The following ARB2A variants were observed in gnomAD, a reference collection of about 807,000 sequenced individuals.
ARB2A encodes cotranscriptional regulator ARB2A.
the ARB2A span, among the ~76,000 whole-genome samples, chr5:94,072,027 A>G: frequency 6.6e-6 from 1 of 152,304 alleles, no homozygotes; most frequent in Non-Finnish European, 1.5e-5. Flanking sequence ...AATATTACTC[A>G]TCGGTAATAA....
the ARB2A span, among the ~76,000 whole-genome samples, chr5:93,911,568 T>C: frequency 6.6e-6 from 1 of 151,460 alleles, no homozygotes; most frequent in Non-Finnish European, 1.5e-5. Context: ...AGCAAGTAGA[T>C]GAGACAAAAT....
At chr5:93,656,926 T>C in the ARB2A span, among the ~76,000 whole-genome samples, 1 of 152,168 alleles carries the variant, frequency 6.6e-6, no homozygotes, top group Non-Finnish European at 1.5e-5. Context: ...GTCTTTTTCA[T>C]TTTTCCATGC....
the ARB2A span, chr5:93,805,912 C>T: frequency 2.0e-6 from 2 of 984,940 alleles, no homozygotes; most frequent in African/African-American, 1.7e-5. Flanking sequence ...CTTGTTTGAT[C>T]ATGAGTTGCT....
the ARB2A span, among the ~76,000 whole-genome samples, chr5:93,629,105 A>G: frequency 2.6e-4 from 39 of 152,292 alleles, no homozygotes; most frequent in African/African-American, 9.1e-4. Context: ...CTTAGAGGCC[A>G]TTGTAGGGTT....
At chr5:93,774,372 T>C in the ARB2A span, among the ~76,000 whole-genome samples, 1 of 152,212 alleles carries the variant, frequency 6.6e-6, no homozygotes, top group Non-Finnish European at 1.5e-5. Flanking sequence ...GACATGCGTG[T>C]CAAAAGCCAA....
At chr5:93,852,069 AAC>A in the ARB2A span, among the ~76,000 whole-genome samples, 1 of 152,222 alleles carries the variant, frequency 6.6e-6, no homozygotes. Context: ...CAGTCCCAAC[AAC>A]AGTGTAAAAG....
chr5:94,012,157 C>T, the ARB2A span, among the ~76,000 whole-genome samples: 1 of 152,086 alleles, frequency 6.6e-6, no homozygotes, highest in South Asian at 2.1e-4. Context: ...AATCCCAACA[C>T]TTTGGGAGGC....
At chr5:93,875,800 C>CAAA in the ARB2A span, among the ~76,000 whole-genome samples, 1 of 112,644 alleles carries the variant, frequency 8.9e-6, no homozygotes, top group African/African-American at 3.3e-5. Context: ...GATCTGGGGG[C>CAAA]AAAAAAAAAA....
chr5:94,005,985 A>G, the ARB2A span, among the ~76,000 whole-genome samples: 1 of 152,230 alleles, frequency 6.6e-6, no homozygotes, highest in Non-Finnish European at 1.5e-5. Context: ...GTTTCTTAAA[A>G]AACTAAAACA....
chr5:93,838,869 T>C, the ARB2A span, among the ~76,000 whole-genome samples: 1 of 152,204 alleles, frequency 6.6e-6, no homozygotes, highest in Non-Finnish European at 1.5e-5. Context: ...TGTATAGGAA[T>C]GTTACTTGTG....
At chr5:93,955,464 A>G in the ARB2A span, among the ~76,000 whole-genome samples, 1 of 152,354 alleles carries the variant, frequency 6.6e-6, no homozygotes, top group African/African-American at 2.4e-5. Context: ...ATTATAATCA[A>G]AGTAAGTAAT....
the ARB2A span, chr5:93,737,544 G>A: frequency 1.9e-5 from 3 of 156,154 alleles, no homozygotes; most frequent in East Asian, 3.8e-4. Context: ...ATATATATAT[G>A]GAAGAACAAA....
chr5:93,970,216 A>T, the ARB2A span, among the ~76,000 whole-genome samples: 7 of 152,106 alleles, frequency 4.6e-5, no homozygotes, highest in African/African-American at 1.7e-4. Flanking sequence ...GACATAAAAC[A>T]CCAATACCCA....
At chr5:94,052,174 G>A in the ARB2A span, among the ~76,000 whole-genome samples, 13,473 of 152,156 alleles carry the variant, frequency 0.089, 767 homozygotes, top group Middle Eastern at 0.16. Flanking sequence ...GAGAAAAGAC[G>A]AAGCCACTTG....
chr5:93,654,263 C>T, the ARB2A span, among the ~76,000 whole-genome samples: 1 of 152,252 alleles, frequency 6.6e-6, no homozygotes, highest in East Asian at 1.9e-4. Context: ...TAAGCAAGGG[C>T]TCTGTGTAAT....
chr5:94,100,072 TAAAC>T, the ARB2A span, among the ~76,000 whole-genome samples: 2 of 152,162 alleles, frequency 1.3e-5, no homozygotes, highest in Non-Finnish European at 2.9e-5. Flanking sequence ...CTTCAGCTGA[TAAAC>T]AACTTCAGCA....
chr5:94,103,809 A>G, the ARB2A span, among the ~76,000 whole-genome samples: 1 of 151,860 alleles, frequency 6.6e-6, no homozygotes, highest in African/African-American at 2.4e-5. Flanking sequence ...AAAAAAAAAA[A>G]AAAACTGAAA....
the ARB2A span, among the ~76,000 whole-genome samples, chr5:93,877,402 G>A: frequency 1.3e-5 from 2 of 152,022 alleles, no homozygotes; most frequent in Non-Finnish European, 2.9e-5. Context: ...CCTTTATCTA[G>A]GTATCACTTA....
the ARB2A span, among the ~76,000 whole-genome samples, chr5:93,944,478 GA>G: frequency 6.6e-6 from 1 of 151,962 alleles, no homozygotes; most frequent in African/African-American, 2.4e-5. Context: ...CAACTACCCA[GA>G]AGGATGAGGT....
Sources: allele counts gnomAD v4.1 joint callset (sites outside exome capture counted in the v4.1 genomes callset), GRCh38; gene constraint gnomAD v4.1.1; transcripts MANE v1.5; gene names NCBI Gene and HGNC (gene_info 2026-07-23, HGNC 2026-07-21).